IPO5: variants seen among roughly 807,000 people sequenced by gnomAD.
IPO5 encodes importin-5.
In IPO5, 18 loss-of-function variants were observed where a neutral mutation model predicts 143.3. The observed-to-expected ratio is 0.13, with a 90% CI of 0.09 to 0.19. The LOEUF (loss-of-function observed/expected upper bound fraction) is 0.19. Ranked by LOEUF, IPO5 falls within the 10% of genes least tolerant of loss-of-function variation. IPO5 has a pLI of 1.00. For missense variants in IPO5, 1,013 were observed against 1,336.9 expected, an observed-to-expected ratio of 0.76 and a Z score of 3.78; for synonymous variants, 477 against 465.7, an observed-to-expected ratio of 1.02 and a Z score of -0.31.
intron 6 of IPO5, among the ~76,000 whole-genome samples, chr13:97,986,447 C>T (rs1403418242): frequency 1.3e-5 from 2 of 152,032 alleles, no homozygotes; most frequent in Non-Finnish European, 2.9e-5. Flanking sequence ...CCTCCGCCTC[C>T]CAGGTTCAAG....
intron 3 of IPO5, among the ~76,000 whole-genome samples, chr13:97,973,125 C>T (rs1258633862): frequency 6.7e-6 from 1 of 148,506 alleles, no homozygotes; most frequent in Non-Finnish European, 1.5e-5. Flanking sequence ...TCACTGCAAC[C>T]TCCGTCTCCT....
chr13:97,982,037 T>G (rs1379556769), intron 4 of IPO5: 1 of 154,606 alleles, frequency 6.5e-6, no homozygotes, highest in Non-Finnish European at 1.4e-5. Context: ...ATACTTTGTT[T>G]CTCTGACTTA....
chr13:97,954,791 C>G (rs1884351108), intron 2 of IPO5, among the ~76,000 whole-genome samples: 1 of 152,100 alleles, frequency 6.6e-6, no homozygotes, highest in Admixed American at 6.6e-5. Flanking sequence ...TTAGACCTTC[C>G]TAAACAGTTT....
At chr13:97,999,813 A>G (rs1394738117) in intron 12 of IPO5, among the ~76,000 whole-genome samples, 2 of 152,176 alleles carry the variant, frequency 1.3e-5, no homozygotes, top group African/African-American at 2.4e-5. Context: ...AAGATTATAC[A>G]TTCTCTGCAC....
intron 17 of IPO5, among the ~76,000 whole-genome samples, 163 bp from the exon 18 acceptor site, chr13:98,007,896 T>C (rs1445390310): frequency 6.6e-6 from 1 of 152,248 alleles, no homozygotes; most frequent in Non-Finnish European, 1.5e-5. Flanking sequence ...GAAAGTGAAC[T>C]AAATCTGTCA....
intron 4 of IPO5, chr13:97,981,267 C>A (rs538627508): frequency 8.3e-5 from 38 of 456,246 alleles, no homozygotes; most frequent in African/African-American, 6.4e-4. Flanking sequence ...AAGTTTGAAA[C>A]CTGTGTAGCA....
In IPO5 at chr13:97,971,694, A is replaced by G. The variant is rs147240188; in HGVS notation, c.-5+1864A>G. ...CCAGGCGCGGTGGCTCAAGCCTGTA[A>G]CCCCAGCACTTTGGGAGGCCGAGGT... is the stretch of plus-strand genomic sequence containing the variant. On this transcript the variant is annotated intron_variant, in intron 3 of 28. Transcript: ENST00000651721. 4.3e-4 allele frequency among the ~76,000 whole-genome samples: 66 copies of G among 152,232 alleles called. No homozygotes were observed. The East Asian group carries it at 0.012, about 29-fold the overall frequency.
chr13:97,977,249 C>T (rs1003377803), intron 4 of IPO5, among the ~76,000 whole-genome samples: 6 of 152,202 alleles, frequency 3.9e-5, no homozygotes, highest in Non-Finnish European at 7.3e-5. Context: ...CTGCTTCTAC[C>T]CCTGCTCATC....
At chr13:97,960,853 C>G (rs1035736096) in intron 2 of IPO5, among the ~76,000 whole-genome samples, 1 of 152,170 alleles carries the variant, frequency 6.6e-6, no homozygotes, top group Non-Finnish European at 1.5e-5. Context: ...GCCACCTCAC[C>G]CAGCCTAAAG....
chr13:98,010,849 C>T (rs1302259342), intron 20 of IPO5, among the ~76,000 whole-genome samples: 4 of 128,048 alleles, frequency 3.1e-5, no homozygotes, highest in Non-Finnish European at 6.2e-5. Flanking sequence ...GGCACGATCT[C>T]GACTCACTGC....
At position 97,983,868 on chromosome 13, in the gene IPO5, T is replaced by TC. The variant is rs1432840102; in HGVS notation, c.171+1286dup. On this transcript the variant is annotated intron_variant, in intron 5 of 28. Coordinates refer to ENST00000651721, the MANE Select transcript of IPO5 (RefSeq NM_002271.6). ...ATAAAAGTATCCCAATTTTTTTTTT[T>TC]CTAGATGACAAGAGGTACTTCTTTG... is the stretch of plus-strand genomic sequence containing the variant. Among the ~76,000 whole-genome samples, 8 of 151,972 alleles carry TC rather than the reference T, an allele frequency of 5.3e-5. 1 individual carries two copies. Among genetic ancestry groups the TC allele is most frequent in the African/African-American group, 9.7e-5 (4 of 41,432 alleles).
At chr13:97,989,240 G>A (rs1211920515) in intron 7 of IPO5, 76 bp downstream of exon 7, 5 of 766,580 alleles carry the variant, frequency 6.5e-6, no homozygotes, top group Non-Finnish European at 1.1e-5. Flanking sequence ...GATTATTTTA[G>A]CCTAATTTAA....
intron 9 of IPO5, 149 bp from the exon 10 acceptor site, chr13:97,992,743 A>G: frequency 2.7e-6 from 2 of 749,980 alleles, no homozygotes; most frequent in Admixed American, 5.7e-5. Flanking sequence ...GCCTGCAGGT[A>G]GAACATTTGC....
chr13:97,993,110 T>C lies in IPO5; in HGVS notation c.798T>C (p.Cys266=). The C allele has an allele frequency of 6.2e-7, 1 of 1,614,112 alleles. No individual in the cohort carries two copies. Among genetic ancestry groups the C allele is most frequent in the Non-Finnish European group, 8.5e-7 (1 of 1,179,976 alleles). The change falls in exon 11 of 29, where the codon TGT becomes TGC. Residue 266 remains cysteine (C), a synonymous_variant. Transcript: ENST00000651721. The stretch of plus-strand genomic sequence containing the variant: ...CAAATATGTCTTCTTTGTAGTTGTG[T>C]GGAGACACTAGCCTCAACAATATGC... The part of the protein sequence containing the change: ...EATLQLSLKL[C]GDTSLNNMQR...
intron 12 of IPO5, among the ~76,000 whole-genome samples, chr13:97,998,423 A>G (rs1242834547): frequency 6.6e-6 from 1 of 152,194 alleles, no homozygotes; most frequent in Non-Finnish European, 1.5e-5. Context: ...CTTCCCTTAG[A>G]ATAATTGTTT....
intron 4 of IPO5, 127 bp downstream of exon 4, chr13:97,976,913 G>C (rs918091297): frequency 5.7e-6 from 1 of 176,650 alleles, no homozygotes; most frequent in East Asian, 1.8e-4. Flanking sequence ...GGCGGCGGCC[G>C]CGCAGCCCAC....
Position 97,976,791 on chromosome 13 carries a change from C to G in IPO5, c.90+5C>G. On this transcript the variant is annotated splice_donor_5th_base_variant and intron_variant, in intron 4 of 28. Coordinates refer to ENST00000651721, the MANE Select transcript of IPO5 (RefSeq NM_002271.6). ...GTGGTCCGGAAACAGGCAGAGGTAA[C>G]CGAGTTCGCCGCCCCAGTCTTCGCG... is the stretch of plus-strand genomic sequence containing the variant. The G allele has an allele frequency of 7.6e-7, 1 of 1,312,688 alleles. No homozygotes were observed. The highest frequency in any genetic ancestry group is 1.0e-6 in the Non-Finnish European group (1 of 983,810). The allele number at this position is 1,312,688 out of a possible 1,614,324, so 81.3% of individuals were successfully genotyped here.
chr13:97,956,594 T>C (rs574704106), intron 2 of IPO5, among the ~76,000 whole-genome samples: 2 of 152,218 alleles, frequency 1.3e-5, no homozygotes, highest in Non-Finnish European at 2.9e-5. Context: ...CCTATTACCA[T>C]ATGAAACTAA....
chr13:97,967,939 T>C (rs1200108774), intron 2 of IPO5, among the ~76,000 whole-genome samples: 2 of 152,036 alleles, frequency 1.3e-5, no homozygotes, highest in Non-Finnish European at 2.9e-5. Flanking sequence ...CTCAAAGTAT[T>C]TTCTAATTTC....
Sources: allele counts gnomAD v4.1 joint callset (sites outside exome capture counted in the v4.1 genomes callset), GRCh38; gene constraint gnomAD v4.1.1; transcripts MANE v1.5; gene names NCBI Gene and HGNC (gene_info 2026-07-23, HGNC 2026-07-21).